The following NPFFR2 variants were observed in gnomAD, a reference collection of about 807,000 sequenced individuals.
The protein encoded by NPFFR2 is neuropeptide FF receptor 2.
A neutral mutation model predicts 13.1 loss-of-function variants in NPFFR2; 15 were observed. The ratio of observed to expected loss-of-function variants is 1.15; its 90% CI spans 0.77 to 1.76. The LOEUF is 1.76. NPFFR2 is among the 40% of genes most tolerant of loss of function. The pLI is 0.00. For missense variants in NPFFR2, 572 were observed against 503.5 expected (o/e 1.14, Z -1.30); for synonymous variants, 190 against 175.7 (o/e 1.08, Z -0.65).
At chr4:72,114,046 A>G (rs925032149) in intron 1 of NPFFR2, among the ~76,000 whole-genome samples, 17 of 152,046 alleles carry the variant, frequency 1.1e-4, no homozygotes, top group Non-Finnish European at 2.2e-4. Context: ...TGAATAGACT[A>G]TTTGCCCAGA....
At chr4:72,044,714 T>G (rs1359561642) in intron 1 of NPFFR2, among the ~76,000 whole-genome samples, 1 of 148,920 alleles carries the variant, frequency 6.7e-6, no homozygotes, top group Non-Finnish European at 1.5e-5. Context: ...AAATCTCTAT[T>G]TGTGTTCTTT....
intron 1 of NPFFR2, among the ~76,000 whole-genome samples, chr4:72,119,405 A>G (rs903229265): frequency 1.3e-5 from 2 of 152,218 alleles, no homozygotes; most frequent in African/African-American, 4.8e-5. Context: ...ATACTATTAA[A>G]TGCAATATAA....
At chr4:72,069,585 G>A (rs989149720) in intron 1 of NPFFR2, among the ~76,000 whole-genome samples, 2 of 152,052 alleles carry the variant, frequency 1.3e-5, no homozygotes, top group Non-Finnish European at 2.9e-5. Context: ...CAACATGAAA[G>A]TTTTAAAACG....
intron 2 of NPFFR2, among the ~76,000 whole-genome samples, chr4:72,136,766 G>A (rs1485772690): frequency 6.6e-6 from 1 of 152,120 alleles, no homozygotes; most frequent in Non-Finnish European, 1.5e-5. Context: ...AGTACTTATG[G>A]TTCTGCCTCC....
Position 72,128,689 on chromosome 4 carries a change from C to T in NPFFR2, c.98C>T (p.Thr33Ile), listed in dbSNP as rs1462922695. The T allele has an allele frequency of 6.2e-7, 1 of 1,613,146 alleles. No individual in the cohort carries two copies. The highest frequency in any genetic ancestry group is 8.5e-7 in the Non-Finnish European group (1 of 1,179,130). The change falls in exon 2 of 4, where the codon ACC (threonine) becomes ATC (isoleucine). Residue 33 changes from threonine to isoleucine, a missense_variant. Thr to Ile is a moderately conservative substitution (Grantham distance 89, BLOSUM62 -1). Coordinates refer to ENST00000308744, the MANE Select transcript of NPFFR2 (RefSeq NM_004885.3). The part of the protein sequence containing the change: ...KHHLYSDINI[T>I]YVNYYLHQPQ... ...CATCTGTACTCAGATATTAATATTA[C>T]CTATGTGAACTACTATCTTCACCAG...
intron 1 of NPFFR2, among the ~76,000 whole-genome samples, chr4:72,096,704 T>C (rs924442909): frequency 3.3e-5 from 5 of 152,264 alleles, no homozygotes; most frequent in South Asian, 2.1e-4. Context: ...ATCTTACTTA[T>C]ATACACTAGA....
intron 1 of NPFFR2, among the ~76,000 whole-genome samples, chr4:72,124,846 C>G (rs1560418486): frequency 6.6e-6 from 1 of 152,140 alleles, no homozygotes; most frequent in Non-Finnish European, 1.5e-5. Context: ...CAATACCATT[C>G]AGGACATAGG....
chr4:72,103,079 T>A (rs549041882), intron 1 of NPFFR2, among the ~76,000 whole-genome samples: 2 of 152,292 alleles, frequency 1.3e-5, no homozygotes, highest in East Asian at 3.9e-4. Context: ...TGGTGTGAGA[T>A]GATATCTCAT....
chr4:72,146,285 G>C (rs1052365131), intron 3 of NPFFR2, among the ~76,000 whole-genome samples: 4 of 152,126 alleles, frequency 2.6e-5, no homozygotes, highest in African/African-American at 7.2e-5. Flanking sequence ...TTATCTCCCG[G>C]AATCTTTCTC....
intron 1 of NPFFR2, among the ~76,000 whole-genome samples, chr4:72,121,730 T>C (rs1037995014): frequency 6.6e-6 from 1 of 152,124 alleles, no homozygotes; most frequent in Non-Finnish European, 1.5e-5. Flanking sequence ...CAGGCCTGCC[T>C]TACAAGAGCT....
intron 1 of NPFFR2, among the ~76,000 whole-genome samples, chr4:72,051,357 A>C (rs576627038): frequency 6.6e-6 from 1 of 152,262 alleles, no homozygotes; most frequent in East Asian, 1.9e-4. Context: ...AAACAGCTCA[A>C]CTACATGGAA....
chr4:72,113,301 T>G (rs991850226), intron 1 of NPFFR2, among the ~76,000 whole-genome samples: 1 of 152,102 alleles, frequency 6.6e-6, no homozygotes, highest in African/African-American at 2.4e-5. Context: ...ACATAGATTT[T>G]ATTGTTCTTT....
Position 72,147,168 on chromosome 4 carries a change from C to T in NPFFR2, c.619C>T (p.Arg207Trp), listed in dbSNP as rs200830127. ...TAAAACCAGTCCAGTCTACTGGTGC[C>T]GGGAAGACTGGCCAAATCAGGAAAT... ...QNKTSPVYWCREDWPNQEMRK... is the reference protein window; with the variant it reads ...QNKTSPVYWCWEDWPNQEMRK... Residue 207 changes from arginine (R) to tryptophan (W), a missense_variant, in exon 4 of 4, where the codon CGG becomes TGG. Physicochemically the swap from Arg to Trp is moderately radical, Grantham distance 101. Coordinates refer to ENST00000308744, the MANE Select transcript of NPFFR2 (RefSeq NM_004885.3). 2.9e-5 allele frequency: 47 copies of T among 1,614,100 alleles called. No individual in the cohort carries two copies. Among genetic ancestry groups the T allele is most frequent in the Middle Eastern group, 3.3e-4 (2 of 6,062 alleles).
intron 1 of NPFFR2, among the ~76,000 whole-genome samples, chr4:72,087,779 G>A (rs1014970026): frequency 2.6e-5 from 4 of 151,964 alleles, no homozygotes; most frequent in Admixed American, 1.3e-4. Flanking sequence ...GTGTGAGAAC[G>A]GTTCCCACAG....
chr4:72,075,385 G>A (rs1720396915), intron 1 of NPFFR2, among the ~76,000 whole-genome samples: 1 of 152,072 alleles, frequency 6.6e-6, no homozygotes, highest in Non-Finnish European at 1.5e-5. Context: ...TCCCTCTAGA[G>A]AAACTTGACT....
At position 72,138,134 on chromosome 4, in the gene NPFFR2, A is replaced by G; in HGVS notation, c.423A>G (p.Val141=). The G allele has an allele frequency of 1.2e-6, 2 of 1,611,202 alleles. No homozygotes were observed. The highest frequency in any genetic ancestry group is 2.2e-5 in the South Asian group (2 of 90,978). The change falls in exon 3 of 4, where the codon GTA becomes GTG. Residue 141 remains valine, a synonymous_variant. Transcript: ENST00000308744. ...ASVFTLVAIA[V]DRFQCVVYPF... ...TCTTTACGTTAGTTGCAATTGCTGTAGATAGGTAAGTCTGCACCAAACTCT... is the reference window on the plus strand; with the variant it reads ...TCTTTACGTTAGTTGCAATTGCTGTGGATAGGTAAGTCTGCACCAAACTCT...
chr4:72,050,594 T>A (rs1439531306), intron 1 of NPFFR2, among the ~76,000 whole-genome samples: 1 of 152,022 alleles, frequency 6.6e-6, no homozygotes, highest in Non-Finnish European at 1.5e-5. Flanking sequence ...ATGTTTTACC[T>A]CAAAATACAT....
intron 1 of NPFFR2, among the ~76,000 whole-genome samples, chr4:72,103,421 G>T (rs1721315317): frequency 1.3e-5 from 2 of 152,104 alleles, no homozygotes; most frequent in Non-Finnish European, 1.5e-5. Context: ...CGGGAAGAAG[G>T]CCCTTACCAG....
chr4:72,062,468 A>G (rs1719946067), intron 1 of NPFFR2, among the ~76,000 whole-genome samples: 1 of 151,946 alleles, frequency 6.6e-6, no homozygotes, highest in Non-Finnish European at 1.5e-5. Flanking sequence ...AATTGACTTT[A>G]TAATTTCATA....
Sources: allele counts gnomAD v4.1 joint callset (sites outside exome capture counted in the v4.1 genomes callset), GRCh38; gene constraint gnomAD v4.1.1; transcripts MANE v1.5; gene names NCBI Gene and HGNC (gene_info 2026-07-23, HGNC 2026-07-21).